DOK6: variants seen among roughly 807,000 people sequenced by gnomAD.
DOK6 encodes docking protein 6, also known as downstream of tyrosine kinase 6.
Under a neutral mutation model 44.0 loss-of-function variants are expected in DOK6, and 22 were observed. The observed-to-expected ratio is 0.50, with a 90% CI of 0.36 to 0.71. DOK6 has a LOEUF of 0.71. Among genes scored for constraint, DOK6 ranks in the 30% least tolerant of loss-of-function variants. The probability of loss-of-function intolerance (pLI) is 0.00; values close to 1 mark genes in which losing one functional copy is unlikely to be tolerated. For missense variants in DOK6, 340 were observed against 416.4 expected, an observed-to-expected ratio of 0.82 and a Z score of 1.60; for synonymous variants, 166 against 145.5, an observed-to-expected ratio of 1.14 and a Z score of -1.01.
intron 1 of DOK6, among the ~76,000 whole-genome samples, chr18:69,404,060 A>G (rs561188306): frequency 6.6e-6 from 1 of 152,370 alleles, no homozygotes; most frequent in Non-Finnish European, 1.5e-5. Context: ...GCTTTCAAAA[A>G]TCAAAGTCTG....
At chr18:69,685,833 C>A (rs1409042173) in intron 4 of DOK6, among the ~76,000 whole-genome samples, 1 of 152,156 alleles carries the variant, frequency 6.6e-6, no homozygotes, top group Non-Finnish European at 1.5e-5. Context: ...AGTACGGTGG[C>A]AACCTTTGCA....
intron 2 of DOK6, among the ~76,000 whole-genome samples, chr18:69,567,272 T>C (rs1983006148): frequency 6.6e-6 from 1 of 152,172 alleles, no homozygotes; most frequent in Non-Finnish European, 1.5e-5. Flanking sequence ...TCTTCACTTC[T>C]TGATAACATA....
At chr18:69,625,587 T>TA (rs1440791337) in intron 3 of DOK6, among the ~76,000 whole-genome samples, 1 of 152,186 alleles carries the variant, frequency 6.6e-6, no homozygotes, top group African/African-American at 2.4e-5. Context: ...GTGTGTAAGT[T>TA]CAAATCAAGA....
At chr18:69,467,230 A>T (rs2122482827) in intron 1 of DOK6, among the ~76,000 whole-genome samples, 1 of 152,294 alleles carries the variant, frequency 6.6e-6, no homozygotes, top group Non-Finnish European at 1.5e-5. Context: ...AGCTGCCTAA[A>T]GAGAAGAGGT....
At chr18:69,797,886 A>C (rs1704787949) in intron 7 of DOK6, among the ~76,000 whole-genome samples, 1 of 152,156 alleles carries the variant, frequency 6.6e-6, no homozygotes, top group Admixed American at 6.6e-5. Context: ...TCTAAATAGC[A>C]GTTGTTAATA....
At chr18:69,564,353 A>G in intron 1 of DOK6, 134 bp from the exon 2 acceptor site, 1 of 677,258 alleles carries the variant, frequency 1.5e-6, no homozygotes, top group East Asian at 3.0e-5. Context: ...TGTAATCTTA[A>G]TTAAGAACAT....
At chr18:69,644,169 T>G (rs964947617) in intron 3 of DOK6, among the ~76,000 whole-genome samples, 1 of 152,236 alleles carries the variant, frequency 6.6e-6, no homozygotes, top group African/African-American at 2.4e-5. Flanking sequence ...TTGTCAGATA[T>G]GTGGTTTGCA....
At chr18:69,722,918 T>C (rs1978291080) in intron 5 of DOK6, among the ~76,000 whole-genome samples, 1 of 152,118 alleles carries the variant, frequency 6.6e-6, no homozygotes, top group African/African-American at 2.4e-5. Context: ...TTAGAAATAT[T>C]CTCTAAAAGA....
intron 1 of DOK6, among the ~76,000 whole-genome samples, chr18:69,537,062 C>T (rs1982144732): frequency 6.6e-6 from 1 of 151,328 alleles, no homozygotes; most frequent in Non-Finnish European, 1.5e-5. Flanking sequence ...TCTGAAACTC[C>T]TGGCCTCAAG....
intron 1 of DOK6, among the ~76,000 whole-genome samples, chr18:69,467,026 A>C (rs1426803091): frequency 1.3e-5 from 2 of 152,176 alleles, no homozygotes; most frequent in Non-Finnish European, 2.9e-5. Context: ...GTAATAAATA[A>C]GTAGCAACGT....
chr18:69,428,024 G>A (rs1007217941), intron 1 of DOK6, among the ~76,000 whole-genome samples: 5 of 151,966 alleles, frequency 3.3e-5, no homozygotes, highest in South Asian at 4.2e-4. Context: ...GTGATCCGCC[G>A]GCCTCAGCCT....
chr18:69,587,350 C>A (rs1983527311), intron 2 of DOK6, among the ~76,000 whole-genome samples: 1 of 152,168 alleles, frequency 6.6e-6, no homozygotes, highest in Non-Finnish European at 1.5e-5. Flanking sequence ...ACTTCTATCT[C>A]TGCCTCCATC....
intron 5 of DOK6, among the ~76,000 whole-genome samples, chr18:69,715,068 G>A (rs977757654): frequency 7.2e-5 from 11 of 152,074 alleles, no homozygotes; most frequent in Middle Eastern, 3.2e-3. Context: ...GCACTATTAC[G>A]TTATACATGT....
chr18:69,555,584 T>C (rs1982667120), intron 1 of DOK6, among the ~76,000 whole-genome samples: 3 of 152,220 alleles, frequency 2.0e-5, no homozygotes, highest in Admixed American at 2.0e-4. Flanking sequence ...GTTCCTGATC[T>C]ATTTGTATTT....
At chr18:69,779,409 A>G (rs1251287083) in intron 7 of DOK6, among the ~76,000 whole-genome samples, 2 of 151,726 alleles carry the variant, frequency 1.3e-5, no homozygotes, top group African/African-American at 2.4e-5. Context: ...TCCAGTACCT[A>G]CTGAGCATAG....
intron 7 of DOK6, among the ~76,000 whole-genome samples, chr18:69,829,823 C>A: frequency 6.6e-6 from 1 of 150,458 alleles, no homozygotes; most frequent in African/African-American, 2.4e-5. Context: ...TTGTATTCAA[C>A]TTGGAAAAAA....
At chr18:69,620,672 TAAAC>T (rs1236196338) in intron 3 of DOK6, among the ~76,000 whole-genome samples, 4 of 152,170 alleles carry the variant, frequency 2.6e-5, no homozygotes, top group Admixed American at 2.6e-4. Flanking sequence ...TGGCATTTGA[TAAAC>T]AATAGTTAAT....
chr18:69,491,069 A>G (rs189469737), intron 1 of DOK6, among the ~76,000 whole-genome samples: 51 of 152,330 alleles, frequency 3.3e-4, no homozygotes, highest in Non-Finnish European at 1.0e-4. Flanking sequence ...AGTGTTATCT[A>G]CATTATCTGC....
At chr18:69,525,939 A>G (rs1271091339) in intron 1 of DOK6, among the ~76,000 whole-genome samples, 1 of 152,104 alleles carries the variant, frequency 6.6e-6, no homozygotes, top group Admixed American at 6.6e-5. Flanking sequence ...AAACACACAC[A>G]GTAAAGTTTG....
Sources: allele counts gnomAD v4.1 joint callset (sites outside exome capture counted in the v4.1 genomes callset), GRCh38; gene constraint gnomAD v4.1.1; transcripts MANE v1.5; gene names NCBI Gene and HGNC (gene_info 2026-07-23, HGNC 2026-07-21).